CLUAP1: variants seen among roughly 807,000 people sequenced by gnomAD.
The protein encoded by CLUAP1 is clusterin-associated protein 1.
A neutral mutation model predicts 55.0 loss-of-function variants in CLUAP1; 50 were observed. The ratio of observed to expected loss-of-function variants is 0.91; its 90% CI spans 0.72 to 1.15. CLUAP1 has a LOEUF of 1.15. CLUAP1 is among the 50% of genes most tolerant of loss of function. The pLI is 0.00. For synonymous variants in CLUAP1, 195 were observed against 175.4 expected, an observed-to-expected ratio of 1.11 and a Z score of -0.88; for missense variants, 530 against 507.6, an observed-to-expected ratio of 1.04 and a Z score of -0.42.
At chr16:3,512,186 CA>C (rs1210287851) in intron 4 of CLUAP1, among the ~76,000 whole-genome samples, 196 bp from the exon 5 acceptor site, 5,597 of 79,858 alleles carry the variant, frequency 0.07, 223 homozygotes, top group African/African-American at 0.18. Flanking sequence ...AACTCCGTCT[CA>C]AAAAAAAAAA....
intron 5 of CLUAP1, among the ~76,000 whole-genome samples, chr16:3,514,307 C>A (rs926939409): frequency 2.6e-5 from 4 of 152,174 alleles, no homozygotes; most frequent in African/African-American, 4.8e-5. Flanking sequence ...AACCATGAGA[C>A]CCTGAATGTA....
chr16:3,511,678 C>G (rs147390767), intron 4 of CLUAP1, among the ~76,000 whole-genome samples: 1 of 152,144 alleles, frequency 6.6e-6, no homozygotes, highest in African/African-American at 2.4e-5. Context: ...CCAGCTATGC[C>G]CTCCTGGTTG....
At chr16:3,521,902 T>TA (rs899046078) in intron 7 of CLUAP1, among the ~76,000 whole-genome samples, 14 of 150,998 alleles carry the variant, frequency 9.3e-5, no homozygotes, top group African/African-American at 3.2e-4. Flanking sequence ...AAAAAAAAAA[T>TA]ATAAAAAATA....
chr16:3,507,128 A>G (rs2151043577), intron 3 of CLUAP1, among the ~76,000 whole-genome samples: 1 of 151,958 alleles, frequency 6.6e-6, no homozygotes, highest in Non-Finnish European at 1.5e-5. Flanking sequence ...CCTGGGAGGC[A>G]GAGCTTGCAG....
At chr16:3,507,058 T>G (rs1213389854) in intron 3 of CLUAP1, among the ~76,000 whole-genome samples, 1 of 151,792 alleles carries the variant, frequency 6.6e-6, no homozygotes, top group African/African-American at 2.4e-5. Context: ...TAGTTGGATG[T>G]GGTGGCGGGC....
chr16:3,495,468 A>AG, the CLUAP1 span: 12 of 1,596,612 alleles, frequency 7.5e-6, no homozygotes, highest in Non-Finnish European at 1.0e-5. Context: ...TGGGTGCAGC[A>AG]GGGCCCTGCT....
chr16:3,497,446 C>T (rs1486347976), upstream of CLUAP1, among the ~76,000 whole-genome samples: 3 of 152,292 alleles, frequency 2.0e-5, no homozygotes, highest in South Asian at 2.1e-4. Context: ...ATCACATGTT[C>T]ATGGACTGAA....
intron 5 of CLUAP1, among the ~76,000 whole-genome samples, chr16:3,514,453 C>T (rs1276631218): frequency 6.6e-6 from 1 of 152,200 alleles, no homozygotes; most frequent in Non-Finnish European, 1.5e-5. Context: ...GCCTCCTTGA[C>T]TAAGTCCTCA....
At chr16:3,527,217 A>G (rs574729400) in intron 9 of CLUAP1, among the ~76,000 whole-genome samples, 3 of 152,290 alleles carry the variant, frequency 2.0e-5, no homozygotes, top group African/African-American at 7.2e-5. Flanking sequence ...TAGATCATAG[A>G]TATGATTATA....
intron 3 of CLUAP1, 82 bp downstream of exon 3, chr16:3,506,497 G>C: frequency 9.4e-7 from 1 of 1,063,806 alleles, no homozygotes; most frequent in Non-Finnish European, 1.4e-6. Flanking sequence ...CTTTCAAACT[G>C]TGTAATTGAG....
intron 5 of CLUAP1, among the ~76,000 whole-genome samples, chr16:3,512,839 C>G (rs2037657243): frequency 6.6e-6 from 1 of 152,144 alleles, no homozygotes; most frequent in African/African-American, 2.4e-5. Flanking sequence ...TGCCACCACA[C>G]CCGGCTAATT....
At chr16:3,525,764 C>T (rs1247412282) in intron 8 of CLUAP1, among the ~76,000 whole-genome samples, 1 of 152,066 alleles carries the variant, frequency 6.6e-6, no homozygotes, top group Non-Finnish European at 1.5e-5. Context: ...ATGAGGTTTC[C>T]CTATGTTGCC....
In CLUAP1 at chr16:3,508,347, C is replaced by G. The variant is rs531380218; in HGVS notation, c.278C>G (p.Ala93Gly). The change falls in exon 4 of 12, where the codon GCG becomes GGG. Residue 93 changes from alanine (A) to glycine (G), a missense_variant. Physicochemically the swap from Ala to Gly is moderately conservative, Grantham distance 60. Transcript: ENST00000576634. ...TKKLYQADGYAVKELLKITSV... is the reference protein window; with the variant it reads ...TKKLYQADGYGVKELLKITSV... ...AAGCTTTATCAAGCAGATGGGTATG[C>G]GGTAAAAGAGCTGCTGAAGATCACA... is the stretch of plus-strand genomic sequence containing the variant. 6.2e-7 allele frequency: 1 copy of G among 1,608,856 alleles called. No homozygotes were observed. The highest frequency in any genetic ancestry group is 8.5e-7 in the Non-Finnish European group (1 of 1,178,594).
At chr16:3,524,849 G>A (rs1283839942) in intron 8 of CLUAP1, among the ~76,000 whole-genome samples, 1 of 152,138 alleles carries the variant, frequency 6.6e-6, no homozygotes, top group Non-Finnish European at 1.5e-5. Context: ...TAGAGCAAAG[G>A]AAATTGAACC....
At chr16:3,527,295 C>T (rs749831791) in intron 9 of CLUAP1, among the ~76,000 whole-genome samples, 11 of 152,144 alleles carry the variant, frequency 7.2e-5, no homozygotes, top group Non-Finnish European at 1.5e-4. Flanking sequence ...AATCCTCGCT[C>T]TACAATCATA....
chr16:3,512,518 C>CT, intron 5 of CLUAP1, 40 bp downstream of exon 5: 1 of 1,477,420 alleles, frequency 6.8e-7, no homozygotes, highest in Non-Finnish European at 9.4e-7. Context: ...CAGATTTTCT[C>CT]TTCAAGGTTT....
intron 9 of CLUAP1, among the ~76,000 whole-genome samples, chr16:3,529,724 A>G (rs1596403823): frequency 2.8e-5 from 1 of 35,862 alleles, no homozygotes; most frequent in Non-Finnish European, 4.4e-5. Context: ...AATATTATAT[A>G]TTATATATAT....
upstream of CLUAP1, chr16:3,496,219 C>T (rs1379730460): frequency 1.7e-6 from 1 of 597,172 alleles, no homozygotes; most frequent in Non-Finnish European, 3.3e-6. Flanking sequence ...TGACGTCCGC[C>T]ACAAGAAGGA....
chr16:3,526,431 G>T lies in CLUAP1; in HGVS notation c.875G>T (p.Cys292Phe). 1 of 1,607,770 alleles carries T rather than the reference G, an allele frequency of 6.2e-7. No homozygotes were observed. Among genetic ancestry groups the T allele is most frequent in the Admixed American group, 1.7e-5 (1 of 58,178 alleles). The change falls in exon 9 of 12, where the codon TGC becomes TTC. Residue 292 changes from cysteine to phenylalanine, a missense_variant. Transcript: ENST00000576634. ...ERFEEAKNTL[C>F]LIQNKLKEEE... ...CCACAGGAAGCTAAAAACACTCTCT[G>T]CCTGATACAGAACAAGCTCAAGGAG...
Sources: gnomAD v4.1 joint callset for allele counts (sites outside exome capture counted in the v4.1 genomes callset) on GRCh38, gnomAD v4.1.1 for gene constraint, MANE v1.5 for transcripts, NCBI Gene and HGNC (gene_info 2026-07-23, HGNC 2026-07-21) for gene names.